The following KRT40 variants were observed in gnomAD, a reference collection of about 807,000 sequenced individuals.
KRT40 encodes keratin 40.
KRT40 carries 47 observed loss-of-function variants against 43.5 expected under a neutral mutation model. The ratio of observed to expected loss-of-function variants is 1.08; its 90% CI spans 0.86 to 1.38. KRT40 has a LOEUF of 1.38. Ranked by LOEUF, KRT40 falls within the 40% of genes most tolerant of loss-of-function variation. The probability of loss-of-function intolerance (pLI) is 0.00; values close to 1 mark genes in which losing one functional copy is unlikely to be tolerated. For missense variants in KRT40, 573 were observed against 523.6 expected, an observed-to-expected ratio of 1.09 and a Z score of -0.92; for synonymous variants, 212 against 214.0, an observed-to-expected ratio of 0.99 and a Z score of 0.08.
Position 40,978,984 on chromosome 17 carries a change from T to C in KRT40, c.1016A>G (p.Gln339Arg), listed in dbSNP as rs949945086. The C allele has an allele frequency of 1.3e-5, 21 of 1,614,010 alleles. No homozygotes were observed. Among genetic ancestry groups the C allele is most frequent in the Non-Finnish European group, 1.7e-5 (20 of 1,179,998 alleles). ...LECTVAETEA[Q>R]YSSQLAQIQC... ...AATTTGGGCCAGCTGGGAGCTGTAC[T>C]GGGCCTCGGTTTCTGCCACGGTGCA... The change falls in exon 6 of 7, where the codon CAG (glutamine) becomes CGG (arginine). Residue 339 changes from glutamine to arginine, a missense_variant. By Grantham distance (43) the Gln-to-Arg change is conservative. Coordinates refer to ENST00000377755, the MANE Select transcript of KRT40 (RefSeq NM_001389244.1).
At chr17:40,980,722 G>T (rs1216971399) in intron 5 of KRT40, 63 bp downstream of exon 5, 32 of 1,516,802 alleles carry the variant, frequency 2.1e-5, no homozygotes, top group Middle Eastern at 2.5e-4. Context: ...TATGGAAGAG[G>T]GCTTAACATC....
At position 40,978,971 on chromosome 17, in the gene KRT40, C is replaced by G. The variant is rs1794487414; in HGVS notation, c.1029G>C (p.Gln343His). 6.2e-7 allele frequency: 1 copy of G among 1,614,026 alleles called. No individual in the cohort carries two copies. Among genetic ancestry groups the G allele is most frequent in the Non-Finnish European group, 8.5e-7 (1 of 1,180,028 alleles). The part of the protein sequence containing the change: ...VAETEAQYSS[Q>H]LAQIQCLIDN... The stretch of plus-strand genomic sequence containing the variant: ...CGATCAGACACTGAATTTGGGCCAG[C>G]TGGGAGCTGTACTGGGCCTCGGTTT... The change falls in exon 6 of 7, where the codon CAG becomes CAC. Residue 343 changes from glutamine to histidine, a missense_variant. Transcript: ENST00000377755.
At position 40,983,863 on chromosome 17, in the gene KRT40, C is replaced by G. The variant is rs1253257881; in HGVS notation, c.411G>C (p.Gln137His). Reference protein sequence around the residue: ...QDIPMVCPDYQRYFNTIEDLQ... With the variant: ...QDIPMVCPDYHRYFNTIEDLQ... ...GATCTTCAATGGTGTTGAAGTAACG[C>G]TGATAATCCGGGCACACCATTGGGA... The change falls in exon 1 of 7, where the codon CAG becomes CAC. Residue 137 changes from glutamine (Q) to histidine (H), a missense_variant. By Grantham distance (24) the Gln-to-His change is conservative. Coordinates refer to ENST00000377755, the MANE Select transcript of KRT40 (RefSeq NM_001389244.1). 6 of 1,614,066 alleles carry G rather than the reference C, an allele frequency of 3.7e-6. No individual in the cohort carries two copies. The African/African-American group carries it at 6.7e-5, about 18-fold the overall frequency.
intron 2 of KRT40, 25 bp from the exon 3 acceptor site, chr17:40,982,488 A>G (rs1912224828): frequency 2.0e-6 from 3 of 1,517,526 alleles, no homozygotes; most frequent in South Asian, 1.4e-5. Context: ...GAGAAATCCA[A>G]CGCTTACTTT....
chr17:40,978,887 C>T lies in KRT40; in HGVS notation c.1113G>A (p.Glu371=). The T allele has an allele frequency of 6.2e-7, 1 of 1,614,054 alleles. No individual in the cohort carries two copies. Among genetic ancestry groups the T allele is most frequent in the East Asian group, 2.2e-5 (1 of 44,866 alleles). Residue 371 remains glutamate (E), a synonymous_variant, in exon 6 of 7, where the codon GAG becomes GAA. Transcript: ENST00000377755. ...CCTTCACGTCCAGGAGCACCTGGTA[C>T]TCCTGGTTCTGTCGCTCCAGGTCGC... ...IRCDLERQNQ[E]YQVLLDVKAR...
At position 40,984,035 on chromosome 17, in the gene KRT40, C is replaced by T; in HGVS notation, c.239G>A (p.Cys80Tyr). Residue 80 changes from cysteine to tyrosine, a missense_variant, in exon 1 of 7, where the codon TGT (cysteine) becomes TAT (tyrosine). By Grantham distance (194) the Cys-to-Tyr change is radical. Transcript: ENST00000377755. ...SPCLVGNCAWCEDGVFTSNEK... is the reference protein window; with the variant it reads ...SPCLVGNCAWYEDGVFTSNEK... ...ATTGCTAGTGAACACCCCATCCTCA[C>T]ACCAGGCACAGTTCCCCACCAAGCA... The T allele has an allele frequency of 6.2e-7, 1 of 1,614,126 alleles. No individual in the cohort carries two copies. Among genetic ancestry groups the T allele is most frequent in the Non-Finnish European group, 8.5e-7 (1 of 1,180,036 alleles).
At chr17:40,985,489 G>GA (rs1019515818), upstream of KRT40, among the ~76,000 whole-genome samples, 4 of 151,818 alleles carry the variant, frequency 2.6e-5, no homozygotes, top group East Asian at 1.9e-4. Context: ...AACATTATAG[G>GA]AAAAAAACAG....
rs372739148 is a variant in KRT40 at position 40,978,217 on chromosome 17, C to T, written c.1276G>A (p.Val426Ile). 8.0e-5 allele frequency: 129 copies of T among 1,613,568 alleles called. 1 individual carries two copies. Among genetic ancestry groups the T allele is most frequent in the Admixed American group, 1.5e-4 (9 of 59,992 alleles). ...AACATTCACAAGCAGCAGTTTTCAA[C>T]AGTGCAGATGACATAGGCTGAGCAT... ...EPCSAYVICT[V>I]ENCCL Residue 426 changes from valine to isoleucine, a missense_variant, in exon 7 of 7, where the codon GTT becomes ATT. Val to Ile is a conservative substitution (Grantham distance 29). Transcript: ENST00000377755.
chr17:40,979,469 T>C (rs1461002078), intron 5 of KRT40, among the ~76,000 whole-genome samples: 1 of 148,346 alleles, frequency 6.7e-6, no homozygotes, highest in African/African-American at 2.5e-5. Context: ...GCCATTGCAC[T>C]CCAGCCTGGG....
chr17:40,980,623 G>C (rs1295291953), intron 5 of KRT40, among the ~76,000 whole-genome samples, 162 bp downstream of exon 5: 1 of 152,136 alleles, frequency 6.6e-6, no homozygotes, highest in Admixed American at 6.5e-5. Context: ...GCATCTTAGA[G>C]GACAAGCTGT....
rs1912112813 is a variant in KRT40 at position 40,980,986 on chromosome 17, T to C, written c.849+4A>G. The C allele has an allele frequency of 6.8e-6, 11 of 1,614,230 alleles. No homozygotes were observed. The highest frequency in any genetic ancestry group is 8.5e-6 in the Non-Finnish European group (10 of 1,180,044). On this transcript the variant is annotated splice_donor_region_variant and intron_variant, in intron 4 of 6. Coordinates refer to ENST00000377755, the MANE Select transcript of KRT40 (RefSeq NM_001389244.1). ...CCTGACATTTTTTCAATCTGGGTAC[T>C]GACCTGAACAGCCAACCATTCTTCA... is the stretch of plus-strand genomic sequence containing the variant.
At chr17:40,979,732 G>T (rs140557955) in intron 5 of KRT40, among the ~76,000 whole-genome samples, 4 of 152,156 alleles carry the variant, frequency 2.6e-5, no homozygotes, top group Non-Finnish European at 4.4e-5. Flanking sequence ...GATACCAGAG[G>T]CTGGGACTGG....
Position 40,981,047 on chromosome 17 carries a change from C to T in KRT40, c.792G>A (p.Gln264=), listed in dbSNP as rs757515786. 51 of 1,614,276 alleles carry T rather than the reference C, an allele frequency of 3.2e-5. No individual in the cohort carries two copies. The highest frequency in any genetic ancestry group is 3.9e-5 in the Non-Finnish European group (46 of 1,180,052). The stretch of plus-strand genomic sequence containing the variant: ...GATTGTTGGCAAGCACCGTTTCACA[C>T]TGACAGCGCATCTCATCCAGGACCC... ...LNRVLDEMRC[Q]CETVLANNRR... The change falls in exon 4 of 7, where the codon CAG becomes CAA. Residue 264 remains glutamine, a synonymous_variant. Coordinates refer to ENST00000377755, the MANE Select transcript of KRT40 (RefSeq NM_001389244.1).
chr17:40,978,600 C>G (rs1047851495), intron 6 of KRT40, among the ~76,000 whole-genome samples: 1 of 148,158 alleles, frequency 6.7e-6, no homozygotes, highest in Non-Finnish European at 1.5e-5. Context: ...AAATGTTACA[C>G]TAATAATTAA....
At chr17:40,987,031 T>G (rs1194782370), upstream of KRT40, 2 of 152,262 alleles carry the variant, frequency 1.3e-5, no homozygotes, top group African/African-American at 4.8e-5. Flanking sequence ...GCTATTCGTT[T>G]CCTGGATGAA....
At position 40,978,902 on chromosome 17, in the gene KRT40, C is replaced by A. The variant is rs1262256512; in HGVS notation, c.1098G>T (p.Glu366Asp). 1 of 1,614,126 alleles carries A rather than the reference C, an allele frequency of 6.2e-7. No individual in the cohort carries two copies. The highest frequency in any genetic ancestry group is 8.5e-7 in the Non-Finnish European group (1 of 1,180,018). ...NQLAEIRCDL[E>D]RQNQEYQVLL... ...GCACCTGGTACTCCTGGTTCTGTCGCTCCAGGTCGCAGCGGATCTCGGCCA... is the reference window on the plus strand; with the variant it reads ...GCACCTGGTACTCCTGGTTCTGTCGATCCAGGTCGCAGCGGATCTCGGCCA... The change falls in exon 6 of 7, where the codon GAG (glutamate) becomes GAT (aspartate). Residue 366 changes from glutamate (E) to aspartate (D), a missense_variant. Physicochemically the swap from Glu to Asp is conservative, Grantham distance 45. Coordinates refer to ENST00000377755, the MANE Select transcript of KRT40 (RefSeq NM_001389244.1).
chr17:40,980,758 A>C (rs1465136806), intron 5 of KRT40, 27 bp downstream of exon 5: 2 of 1,564,988 alleles, frequency 1.3e-6, no homozygotes, highest in Admixed American at 4.0e-5. Flanking sequence ...TCAGTGACAC[A>C]ACGGACACTG....
chr17:40,983,806 C>G, intron 1 of KRT40, 21 bp downstream of exon 1: 3 of 1,606,922 alleles, frequency 1.9e-6, no homozygotes, highest in Non-Finnish European at 2.6e-6. Flanking sequence ...AGGTGGAGCA[C>G]TAGGGCAACA....
chr17:40,980,755 C>T, intron 5 of KRT40, 30 bp downstream of exon 5: 2 of 1,560,172 alleles, frequency 1.3e-6, no homozygotes, highest in Non-Finnish European at 1.7e-6. Context: ...TTATCAGTGA[C>T]ACAACGGACA....
Sources: allele counts gnomAD v4.1 joint callset (sites outside exome capture counted in the v4.1 genomes callset), GRCh38; gene constraint gnomAD v4.1.1; transcripts MANE v1.5; gene names NCBI Gene and HGNC (gene_info 2026-07-23, HGNC 2026-07-21).